ERC2: variants seen among roughly 807,000 people sequenced by gnomAD.
The protein encoded by ERC2 is ELKS/RAB6-interacting/CAST family member 2.
ERC2 carries 42 observed loss-of-function variants against 114.8 expected under a neutral mutation model. That is an observed-to-expected ratio of 0.37 (90% confidence interval 0.29 to 0.47). The LOEUF is 0.47. Among genes scored for constraint, ERC2 ranks in the 20% least tolerant of loss-of-function variants. ERC2 has a pLI of 0.99. For missense variants in ERC2, 939 were observed against 1,150.7 expected (o/e 0.82, Z 2.66); for synonymous variants, 454 against 425.5 (o/e 1.07, Z -0.82).
At chr3:56,308,630 G>A (rs1326204849) in intron 2 of ERC2, among the ~76,000 whole-genome samples, 3 of 152,074 alleles carry the variant, frequency 2.0e-5, no homozygotes. Context: ...TGAGCTCCTG[G>A]CAGGTTTGAA....
chr3:55,648,409 C>T (rs2060479212), intron 17 of ERC2, among the ~76,000 whole-genome samples: 1 of 152,108 alleles, frequency 6.6e-6, no homozygotes, highest in South Asian at 2.1e-4. Context: ...AAGACTGCTG[C>T]AGGACACTAT....
At chr3:55,673,804 GTTTTTTT>G (rs10575865) in intron 17 of ERC2, among the ~76,000 whole-genome samples, 1 of 113,786 alleles carries the variant, frequency 8.8e-6, no homozygotes, top group East Asian at 2.8e-4. Context: ...TAATTACCAA[GTTTTTTT>G]TTTTTTTTTT....
At chr3:56,066,770 T>C (rs1005406386) in intron 7 of ERC2, among the ~76,000 whole-genome samples, 4 of 152,208 alleles carry the variant, frequency 2.6e-5, no homozygotes, top group African/African-American at 9.6e-5. Flanking sequence ...TTTCTGCATA[T>C]GGCCTATTTT....
intron 14 of ERC2, among the ~76,000 whole-genome samples, chr3:55,815,272 A>G (rs2059866989): frequency 6.6e-6 from 1 of 152,206 alleles, no homozygotes; most frequent in Non-Finnish European, 1.5e-5. Context: ...TTTGTTCCCT[A>G]CTGTTACACC....
intron 6 of ERC2, among the ~76,000 whole-genome samples, chr3:56,087,472 T>A (rs1232750450): frequency 6.6e-6 from 1 of 152,122 alleles, no homozygotes; most frequent in African/African-American, 2.4e-5. Context: ...TGCCGTATTT[T>A]ATGTGCGCCT....
At chr3:56,339,596 C>A (rs1311774278) in intron 2 of ERC2, among the ~76,000 whole-genome samples, 2 of 152,022 alleles carry the variant, frequency 1.3e-5, no homozygotes, top group East Asian at 3.9e-4. Flanking sequence ...GTCCAATTTC[C>A]CTTTTAAAAA....
chr3:56,302,445 G>A (rs2055944790), intron 2 of ERC2, among the ~76,000 whole-genome samples: 3 of 152,152 alleles, frequency 2.0e-5, no homozygotes, highest in South Asian at 2.1e-4. Flanking sequence ...TCTTTTCTAA[G>A]TACTCAGAAT....
chr3:55,569,777 G>C (rs2056595427), intron 17 of ERC2, among the ~76,000 whole-genome samples: 1 of 151,624 alleles, frequency 6.6e-6, no homozygotes, highest in Non-Finnish European at 1.5e-5. Context: ...AATTGGGTTT[G>C]ATGATCATTT....
intron 3 of ERC2, among the ~76,000 whole-genome samples, chr3:56,218,144 C>G (rs577458439): frequency 8.8e-4 from 134 of 152,226 alleles, no homozygotes; most frequent in African/African-American, 3.1e-3. Context: ...CAAATGGGAT[C>G]TAATTAAACT....
intron 9 of ERC2, 84 bp downstream of exon 9, chr3:56,010,365 A>C: frequency 1.4e-6 from 2 of 1,475,432 alleles, no homozygotes; most frequent in Non-Finnish European, 1.8e-6. Context: ...AGTGCCTCCT[A>C]CTAAGTCTCT....
intron 15 of ERC2, among the ~76,000 whole-genome samples, chr3:55,728,813 G>A (rs1341550997): frequency 3.9e-5 from 6 of 152,162 alleles, no homozygotes; most frequent in Non-Finnish European, 5.9e-5. Flanking sequence ...CTCTGACGGC[G>A]TGTTGTTGAG....
At chr3:56,273,372 T>A (rs2053787245) in intron 3 of ERC2, among the ~76,000 whole-genome samples, 1 of 149,044 alleles carries the variant, frequency 6.7e-6, no homozygotes, top group African/African-American at 2.5e-5. Flanking sequence ...ACCCATCACA[T>A]CTTCCCAAGT....
At chr3:56,314,342 A>G (rs997974114) in intron 2 of ERC2, among the ~76,000 whole-genome samples, 8 of 152,236 alleles carry the variant, frequency 5.3e-5, no homozygotes, top group East Asian at 1.9e-4. Context: ...ATAAAGTTAG[A>G]TGATAACACA....
At chr3:56,258,686 T>G (rs1576129624) in intron 3 of ERC2, among the ~76,000 whole-genome samples, 1 of 152,044 alleles carries the variant, frequency 6.6e-6, no homozygotes, top group South Asian at 2.1e-4. Flanking sequence ...AACAAAAAAC[T>G]TTATGTACTA....
At chr3:56,395,884 G>A (rs2060288725) in intron 2 of ERC2, among the ~76,000 whole-genome samples, 1 of 152,214 alleles carries the variant, frequency 6.6e-6, no homozygotes, top group Non-Finnish European at 1.5e-5. Flanking sequence ...AGATGTCCAG[G>A]AAAACACTTC....
intron 7 of ERC2, among the ~76,000 whole-genome samples, chr3:56,078,612 T>C (rs896516493): frequency 2.6e-5 from 4 of 152,112 alleles, no homozygotes; most frequent in African/African-American, 9.7e-5. Flanking sequence ...GGTCCTTGAA[T>C]CAAATTCACA....
chr3:55,858,720 T>C (rs1388299687), intron 14 of ERC2, among the ~76,000 whole-genome samples: 1 of 152,300 alleles, frequency 6.6e-6, no homozygotes, highest in East Asian at 1.9e-4. Flanking sequence ...ACAAATGTAA[T>C]TCCTAGGTGA....
rs2066344074 is a variant in ERC2 at position 55,934,948 on chromosome 3, A to T, written c.2403+15477T>A. 3.3e-5 allele frequency among the ~76,000 whole-genome samples: 5 copies of T among 152,376 alleles called. No homozygotes were observed. In the East Asian group the frequency reaches 5.8e-4, roughly 18 times the overall value. On this transcript the variant is annotated intron_variant, in intron 13 of 17. Transcript: ENST00000288221. ...GGAAAAAAAGATAAGGTTACAAAAC[A>T]TGCCAGACTGTTCCCATCTCTGTGC...
chr3:56,173,416 C>G, intron 4 of ERC2, 30 bp downstream of exon 4: 1 of 1,605,574 alleles, frequency 6.2e-7, no homozygotes, highest in South Asian at 1.1e-5. Flanking sequence ...CAAGGCATAA[C>G]TGTTTCTGAC....
Sources: allele counts gnomAD v4.1 joint callset (sites outside exome capture counted in the v4.1 genomes callset), GRCh38; gene constraint gnomAD v4.1.1; transcripts MANE v1.5; gene names NCBI Gene and HGNC (gene_info 2026-07-23, HGNC 2026-07-21).